AIG1: variants seen among roughly 807,000 people sequenced by gnomAD.
AIG1 encodes androgen-induced gene 1 protein.
In AIG1, 23 loss-of-function variants were observed where a neutral mutation model predicts 31.4. The observed-to-expected ratio is 0.73, with a 90% CI of 0.53 to 1.04. The LOEUF is 1.04. AIG1 is among the 50% of genes least tolerant of loss of function. The pLI is 0.00. For synonymous variants in AIG1, 100 were observed against 110.5 expected (o/e 0.90, Z 0.60); for missense variants, 274 against 295.0 (o/e 0.93, Z 0.52).
At chr6:143,254,573 G>A (rs1187180759) in intron 3 of AIG1, among the ~76,000 whole-genome samples, 1 of 152,126 alleles carries the variant, frequency 6.6e-6, no homozygotes, top group East Asian at 1.9e-4. Context: ...ATTGACTCAT[G>A]GACTATTGAG....
At chr6:143,262,307 A>G (rs1053300021) in intron 3 of AIG1, among the ~76,000 whole-genome samples, 8 of 152,308 alleles carry the variant, frequency 5.3e-5, no homozygotes, top group Middle Eastern at 6.8e-3. Flanking sequence ...TTTCCAAGGT[A>G]CTTTTTTCTC....
intron 1 of AIG1, among the ~76,000 whole-genome samples, chr6:143,066,233 T>G (rs896132610): frequency 6.6e-6 from 1 of 152,222 alleles, no homozygotes; most frequent in African/African-American, 2.4e-5. Context: ...ATGGATTAAT[T>G]GTAGGACCCT....
intron 3 of AIG1, among the ~76,000 whole-genome samples, chr6:143,198,117 A>T (rs1790403670): frequency 6.6e-6 from 1 of 152,220 alleles, no homozygotes. Flanking sequence ...AAGGAAATTA[A>T]TCTTTTCTGG....
chr6:143,193,046 C>A (rs897294975), intron 3 of AIG1, among the ~76,000 whole-genome samples: 2 of 151,996 alleles, frequency 1.3e-5, no homozygotes, highest in African/African-American at 2.4e-5. Context: ...GATGGTGCAA[C>A]CAAGAGCCTG....
intron 1 of AIG1, among the ~76,000 whole-genome samples, chr6:143,107,413 A>T (rs1780899746): frequency 6.6e-6 from 1 of 152,212 alleles, no homozygotes; most frequent in Non-Finnish European, 1.5e-5. Context: ...ATAGATGCAG[A>T]CATCTGTCTT....
intron 3 of AIG1, among the ~76,000 whole-genome samples, chr6:143,171,309 G>A (rs1787494894): frequency 6.7e-6 from 1 of 148,884 alleles, no homozygotes; most frequent in African/African-American, 2.5e-5. Flanking sequence ...TTCCATTCTC[G>A]AGTTACTTCA....
At chr6:143,332,321 A>T (rs922112781) in intron 4 of AIG1, among the ~76,000 whole-genome samples, 1 of 152,216 alleles carries the variant, frequency 6.6e-6, no homozygotes, top group African/African-American at 2.4e-5. Context: ...CCAACAGTTT[A>T]TAAAGGAATG....
chr6:143,341,693 T>G (rs1777860133), downstream of AIG1, among the ~76,000 whole-genome samples: 1 of 152,118 alleles, frequency 6.6e-6, no homozygotes, highest in African/African-American at 2.4e-5. Context: ...CCACCAGAAC[T>G]TTGAGAAAAT....
chr6:143,342,368 C>A (rs566984587), downstream of AIG1: 2 of 677,932 alleles, frequency 3.0e-6, no homozygotes, highest in East Asian at 2.7e-5. Context: ...TGCTTAGACG[C>A]AGGTTTAACT....
At position 143,340,072 on chromosome 6, in the gene AIG1, G is replaced by A. The variant is rs1777794918; in HGVS notation, c.*396G>A. 4.5e-5 allele frequency: 7 copies of A among 155,900 alleles called. No individual in the cohort carries two copies. The South Asian group carries it at 1.4e-3, about 31-fold the overall frequency. 9.7% of individuals were successfully genotyped at this position (155,900 alleles called of 1,614,324 possible). On this transcript the variant is annotated 3_prime_UTR_variant, in exon 6 of 6. Transcript: ENST00000357847. ...GGCATATATAGAGTAAGGCTTTTGT[G>A]TATTTAATCCTAAAGGTGGCTGTAA... is the stretch of plus-strand genomic sequence containing the variant.
intron 1 of AIG1, chr6:143,061,570 C>A (rs1378125354): frequency 1.3e-5 from 4 of 304,436 alleles, no homozygotes; most frequent in Admixed American, 1.3e-4. Flanking sequence ...GGAGAGAAAG[C>A]ACCTAATAAA....
At chr6:143,272,404 CT>C (rs1302021559) in intron 3 of AIG1, among the ~76,000 whole-genome samples, 1 of 152,178 alleles carries the variant, frequency 6.6e-6, no homozygotes, top group African/African-American at 2.4e-5. Flanking sequence ...ATCCAGAACC[CT>C]TCCATCTATG....
intron 3 of AIG1, among the ~76,000 whole-genome samples, chr6:143,275,840 C>A (rs1169626475): frequency 6.6e-6 from 1 of 152,174 alleles, no homozygotes; most frequent in African/African-American, 2.4e-5. Flanking sequence ...TCTGTGAGAA[C>A]TACACATACT....
rs911538938 is a variant in AIG1 at position 143,333,348 on chromosome 6, A to G, written c.582A>G (p.Gly194=). The part of the protein sequence containing the change: ...VYPFLEHIGP[G]ARIIFFGSTT... ...CTTTCCTGGAACACATTGGCCCAGG[A>G]GCCAGAATCATCTTCTTTGGGTCTA... The change falls in exon 5 of 6, where the codon GGA becomes GGG. Residue 194 remains glycine (G), a synonymous_variant. Coordinates refer to ENST00000357847, the MANE Select transcript of AIG1 (RefSeq NM_016108.4). This position sits in a 1 kb window ranked among gnomAD's most constrained non-coding sequence, Gnocchi z 4.6. 6.2e-7 allele frequency: 1 copy of G among 1,614,002 alleles called. No individual in the cohort carries two copies. Among genetic ancestry groups the G allele is most frequent in the Non-Finnish European group, 8.5e-7 (1 of 1,179,920 alleles).
In AIG1 at chr6:143,210,712, G is replaced by A. The variant is rs532949745; in HGVS notation, c.399+45529G>A. The stretch of plus-strand genomic sequence containing the variant: ...ACTAAAGTGCCGTAAATCAGTTTTT[G>A]TCAGGAGACAATAAAAAATGAAATT... On this transcript the variant is annotated intron_variant, in intron 3 of 5. Transcript: ENST00000357847. Among the ~76,000 whole-genome samples, 3 of 152,278 alleles carry A rather than the reference G, an allele frequency of 2.0e-5. No homozygotes were observed. The East Asian group carries it at 5.8e-4, about 29-fold the overall frequency.
At chr6:143,273,888 C>G (rs1267174556) in intron 3 of AIG1, among the ~76,000 whole-genome samples, 1 of 152,104 alleles carries the variant, frequency 6.6e-6, no homozygotes, top group African/African-American at 2.4e-5. Context: ...ACAGCCAAAC[C>G]ATATCAGTTT....
At chr6:143,290,193 CTG>C (rs1441153295) in intron 4 of AIG1, among the ~76,000 whole-genome samples, 1 of 152,198 alleles carries the variant, frequency 6.6e-6, no homozygotes, top group Non-Finnish European at 1.5e-5. Context: ...CAGAGTGAGA[CTG>C]AAGCAAGTTT....
chr6:143,189,714 T>A (rs1789612394), intron 3 of AIG1: 3 of 985,304 alleles, frequency 3.0e-6, no homozygotes, highest in Admixed American at 1.2e-4. Flanking sequence ...AAGAACACAA[T>A]TTCCCTCAAA....
rs528999731 is a variant in AIG1, at chr6:143,163,475, G to T, written c.298-1607G>T. ...AGCCATTGTGCTACAAAATTCCTAG[G>T]ATCCTCAAGTTTTCCTAAACCCTCT... On this transcript the variant is annotated intron_variant, in intron 2 of 5. Coordinates refer to ENST00000357847, the MANE Select transcript of AIG1 (RefSeq NM_016108.4). Among the ~76,000 whole-genome samples the T allele has an allele frequency of 5.9e-4, 89 of 152,136 alleles. No homozygotes were observed. The South Asian group carries it at 0.018, about 31-fold the overall frequency.
Sources: allele counts gnomAD v4.1 joint callset (sites outside exome capture counted in the v4.1 genomes callset), GRCh38; gene constraint gnomAD v4.1.1; non-coding constraint Gnocchi (gnomAD v3.1); transcripts MANE v1.5; gene names NCBI Gene and HGNC (gene_info 2026-07-23, HGNC 2026-07-21).